Variants in GPC5 observed in about 807,000 individuals in gnomAD.
GPC5 encodes the protein glypican-5.
A neutral mutation model predicts 53.9 loss-of-function variants in GPC5; 47 were observed. That is an observed-to-expected ratio of 0.87 (90% CI 0.69 to 1.11). GPC5 has a LOEUF of 1.11. Among genes scored for constraint, GPC5 ranks in the 50% most tolerant of loss-of-function variants. GPC5 has a pLI of 0.00. For missense variants in GPC5, 748 were observed against 713.1 expected (o/e 1.05, Z -0.56); for synonymous variants, 286 against 263.3 (o/e 1.09, Z -0.84).
intron 7 of GPC5, among the ~76,000 whole-genome samples, chr13:92,437,125 C>G (rs1289813993): frequency 1.3e-5 from 2 of 151,998 alleles, no homozygotes; most frequent in African/African-American, 2.4e-5. Flanking sequence ...ATTGCTCTGA[C>G]ATAGATTTAA....
intron 7 of GPC5, among the ~76,000 whole-genome samples, chr13:92,527,303 G>T (rs1169581896): frequency 6.6e-6 from 1 of 151,558 alleles, no homozygotes; most frequent in Non-Finnish European, 1.5e-5. Context: ...GGCAAAGAGA[G>T]CCCAAAGTAG....
rs142546589 is a variant in GPC5, at chr13:92,527,008, C to T, written c.1562-339274C>T. On this transcript the variant is annotated intron_variant, in intron 7 of 7. Coordinates refer to ENST00000377067, the MANE Select transcript of GPC5 (RefSeq NM_004466.6). ...TTGCTAAATTTAAGGCAATATAATT[C>T]TGGAATTTGAGTGAGTGGTCAGGGC... 3.3e-5 allele frequency among the ~76,000 whole-genome samples: 5 copies of T among 150,270 alleles called. No homozygotes were observed. The Admixed American group carries it at 3.3e-4, about 10-fold the overall frequency.
intron 6 of GPC5, among the ~76,000 whole-genome samples, chr13:91,920,597 TAC>T (rs2039701673): frequency 1.3e-5 from 2 of 152,084 alleles, no homozygotes; most frequent in African/African-American, 4.8e-5. Flanking sequence ...TGCATAAACA[TAC>T]ACACACAAAG....
At chr13:92,825,486 T>C (rs1033153086) in intron 7 of GPC5, among the ~76,000 whole-genome samples, 14 of 152,146 alleles carry the variant, frequency 9.2e-5, no homozygotes, top group African/African-American at 3.4e-4. Context: ...CCAGGTGGCA[T>C]TTTCCAAGTG....
chr13:92,283,048 G>A (rs2042928214), intron 7 of GPC5, among the ~76,000 whole-genome samples: 1 of 152,156 alleles, frequency 6.6e-6, no homozygotes. Flanking sequence ...GATGGAGGAA[G>A]ATCTACCAAG....
chr13:91,738,816 T>C (rs163935), intron 4 of GPC5, among the ~76,000 whole-genome samples: 96,302 of 150,278 alleles, frequency 0.64, 31,756 homozygotes, highest in South Asian at 0.75. Flanking sequence ...TTTTTTATGC[T>C]ATTTTACCAA....
intron 7 of GPC5, among the ~76,000 whole-genome samples, chr13:92,538,562 A>G (rs1478777025): frequency 6.8e-6 from 1 of 146,970 alleles, no homozygotes; most frequent in Non-Finnish European, 1.5e-5. Context: ...TGCTACACCC[A>G]TCAACCCGTC....
intron 5 of GPC5, among the ~76,000 whole-genome samples, chr13:91,826,019 A>T (rs1465701952): frequency 2.0e-5 from 3 of 152,114 alleles, no homozygotes; most frequent in African/African-American, 7.2e-5. Context: ...TCGTGAAGTT[A>T]GTCTGGACAA....
intron 7 of GPC5, among the ~76,000 whole-genome samples, chr13:92,236,850 T>C (rs528156516): frequency 1.3e-5 from 2 of 151,926 alleles, no homozygotes; most frequent in African/African-American, 4.8e-5. Flanking sequence ...ATCAGCATTT[T>C]TTTTTTGTTT....
intron 2 of GPC5, among the ~76,000 whole-genome samples, chr13:91,494,201 CTGT>C (rs1278609966): frequency 6.6e-6 from 1 of 151,728 alleles, no homozygotes; most frequent in East Asian, 1.9e-4. Context: ...GTTTTCTTTT[CTGT>C]TGTTATGAAT....
At chr13:92,068,785 G>T (rs1359991542) in intron 6 of GPC5, among the ~76,000 whole-genome samples, 2 of 151,388 alleles carry the variant, frequency 1.3e-5, no homozygotes, top group Non-Finnish European at 3.0e-5. Flanking sequence ...AACTTAATTT[G>T]TTTTTAATTT....
intron 7 of GPC5, among the ~76,000 whole-genome samples, chr13:92,567,420 AT>A (rs1382380249): frequency 6.6e-6 from 1 of 152,078 alleles, no homozygotes; most frequent in African/African-American, 2.4e-5. Flanking sequence ...CTCCCCAAAG[AT>A]GTCCATATTC....
At chr13:91,683,987 T>C (rs1226145853) in intron 2 of GPC5, among the ~76,000 whole-genome samples, 1 of 152,226 alleles carries the variant, frequency 6.6e-6, no homozygotes, top group Non-Finnish European at 1.5e-5. Context: ...TGCTAAGGGC[T>C]TCTCTTTCTC....
At chr13:92,386,201 G>T (rs1364340051) in intron 7 of GPC5, among the ~76,000 whole-genome samples, 2 of 151,974 alleles carry the variant, frequency 1.3e-5, no homozygotes, top group Non-Finnish European at 2.9e-5. Flanking sequence ...TCATGATGGA[G>T]AATTTGTTAA....
rs910844982 is a variant in GPC5 at position 91,823,366 on chromosome 13, T to C, written c.1280+66946T>C. On this transcript the variant is annotated intron_variant, in intron 5 of 7. Coordinates refer to ENST00000377067, the MANE Select transcript of GPC5 (RefSeq NM_004466.6). ...GAATACAAAAATATTTTTAACAAAATGTCTTTTTTTGTTTGTTTGATGCTC... is the reference window on the plus strand; with the variant it reads ...GAATACAAAAATATTTTTAACAAAACGTCTTTTTTTGTTTGTTTGATGCTC... 7.2e-5 allele frequency among the ~76,000 whole-genome samples: 11 copies of C among 152,244 alleles called. No individual in the cohort carries two copies. The East Asian group carries it at 7.7e-4, about 11-fold the overall frequency.
chr13:91,571,726 A>AATATAT (rs112520647), intron 2 of GPC5, among the ~76,000 whole-genome samples: 17 of 126,164 alleles, frequency 1.3e-4, no homozygotes, highest in African/African-American at 2.1e-4. Context: ...CTCTGTCTCA[A>AATATAT]ATATATATAT....
At chr13:91,663,910 C>T (rs921071126) in intron 2 of GPC5, among the ~76,000 whole-genome samples, 32 of 152,210 alleles carry the variant, frequency 2.1e-4, no homozygotes, top group Admixed American at 5.2e-4. Flanking sequence ...CTCGTGGGTT[C>T]GAAGGATCTT....
chr13:92,613,534 T>C (rs1402761052), intron 7 of GPC5, among the ~76,000 whole-genome samples: 210 of 121,860 alleles, frequency 1.7e-3, no homozygotes, highest in African/African-American at 6.6e-3. Flanking sequence ...AATTTATATA[T>C]AAAATATAAT....
At chr13:92,133,163 A>T (rs1426948967) in intron 6 of GPC5, among the ~76,000 whole-genome samples, 1 of 152,154 alleles carries the variant, frequency 6.6e-6, no homozygotes, top group African/African-American at 2.4e-5. Context: ...ATTTTTCTCA[A>T]ATTATTTCTA....
Sources: gnomAD v4.1 joint callset for allele counts (sites outside exome capture counted in the v4.1 genomes callset) on GRCh38, gnomAD v4.1.1 for gene constraint, MANE v1.5 for transcripts, NCBI Gene and HGNC (gene_info 2026-07-23, HGNC 2026-07-21) for gene names.